PAX3: variants seen among roughly 807,000 people sequenced by gnomAD.
PAX3 encodes the protein paired box protein Pax-3.
A neutral mutation model predicts 51.6 loss-of-function variants in PAX3; 14 were observed. The ratio of observed to expected loss-of-function variants is 0.27; its 90% CI spans 0.18 to 0.42. The LOEUF (loss-of-function observed/expected upper bound fraction) is 0.42. PAX3 is among the 10% of genes least tolerant of loss of function. PAX3 has a pLI of 1.00. For synonymous variants in PAX3, 280 were observed against 253.4 expected (o/e 1.11, Z -1.00); for missense variants, 540 against 642.8 (o/e 0.84, Z 1.73).
chr2:222,256,498 C>T (rs556798326), intron 4 of PAX3, among the ~76,000 whole-genome samples: 1 of 152,048 alleles, frequency 6.6e-6, no homozygotes, highest in Non-Finnish European at 1.5e-5. Flanking sequence ...CTGAGACAAT[C>T]CCTCAGGCAC....
At position 222,205,676 on chromosome 2, in the gene PAX3, T is replaced by C. The variant is rs905948349; in HGVS notation, c.1174-3486A>G. Among the ~76,000 whole-genome samples, 5 of 152,224 alleles carry C rather than the reference T, an allele frequency of 3.3e-5. No individual in the cohort carries two copies. In the East Asian group the frequency reaches 5.8e-4, roughly 18 times the overall value. On this transcript the variant is annotated intron_variant, in intron 7 of 8. Coordinates refer to ENST00000392070, the MANE Select transcript of PAX3 (RefSeq NM_181458.4). ...TCACACTGAGAAAACTTGAGAAATA[T>C]ACACCATTTTAAAAACCTACTGTTT...
At chr2:222,296,570 A>G (rs955225398) in intron 2 of PAX3, among the ~76,000 whole-genome samples, 1 of 152,176 alleles carries the variant, frequency 6.6e-6, no homozygotes, top group African/African-American at 2.4e-5. Flanking sequence ...AACCATTATA[A>G]AACCTAAAGA....
chr2:222,203,018 T>TATATATAC (rs1297312614), intron 7 of PAX3, among the ~76,000 whole-genome samples: 1 of 52,880 alleles, frequency 1.9e-5, no homozygotes, highest in African/African-American at 8.6e-5. Flanking sequence ...ATTTCATATA[T>TATATATAC]ATATATATAT....
chr2:222,274,660 A>G (rs140091427), intron 4 of PAX3, among the ~76,000 whole-genome samples: 7 of 152,242 alleles, frequency 4.6e-5, no homozygotes, highest in African/African-American at 1.2e-4. Context: ...ATGTTTTTAT[A>G]TAGTTAAACA....
intron 7 of PAX3, among the ~76,000 whole-genome samples, chr2:222,202,590 G>A (rs1384323106): frequency 6.6e-6 from 1 of 151,958 alleles, no homozygotes; most frequent in Non-Finnish European, 1.5e-5. Flanking sequence ...CATTATATCT[G>A]GAAGTTTCAC....
chr2:222,287,838 T>A (rs45616332), intron 4 of PAX3, among the ~76,000 whole-genome samples: 1 of 152,234 alleles, frequency 6.6e-6, no homozygotes, highest in Non-Finnish European at 1.5e-5. Context: ...AAGATTCATC[T>A]TGCTCAAGAG....
intron 2 of PAX3, among the ~76,000 whole-genome samples, chr2:222,296,352 C>A (rs1695294935): frequency 6.6e-6 from 1 of 152,178 alleles, no homozygotes; most frequent in Non-Finnish European, 1.5e-5. Flanking sequence ...AAAGACAGAC[C>A]TTGTGTAATT....
chr2:222,280,411 AAAAAAGAAAGAAAGAAAGG>A (rs1159462993), intron 4 of PAX3, among the ~76,000 whole-genome samples: 1 of 147,300 alleles, frequency 6.8e-6, no homozygotes, highest in Non-Finnish European at 1.5e-5. Flanking sequence ...AGAAAGAAAG[AAAAAAGAAAGAAAGAAAGG>A]AAGGAAGGAA....
At chr2:222,213,292 G>A (rs182687443) in intron 7 of PAX3, among the ~76,000 whole-genome samples, 86 of 152,222 alleles carry the variant, frequency 5.6e-4, no homozygotes, top group Middle Eastern at 3.4e-3. Context: ...TAAGTGTAGC[G>A]ACCACAGCCT....
chr2:222,273,709 G>A (rs976772189), intron 4 of PAX3, among the ~76,000 whole-genome samples: 13 of 152,156 alleles, frequency 8.5e-5, no homozygotes, highest in Non-Finnish European at 1.5e-4. Context: ...ACAAAGCTTA[G>A]CAGAAATGAT....
rs71053057 is a variant in PAX3 at position 222,203,012 on chromosome 2, CATATATATAT to C, written c.1174-832_1174-823del. ...TTATTTCTTCTCTAAACAACCATTT[CATATATATAT>C]ATATATATATATATATATATATATA... is the stretch of plus-strand genomic sequence containing the variant. On this transcript the variant is annotated intron_variant, in intron 7 of 8. Coordinates refer to ENST00000392070, the MANE Select transcript of PAX3 (RefSeq NM_181458.4). Among the ~76,000 whole-genome samples, 171 of 41,188 alleles carry C rather than the reference CATATATATAT, an allele frequency of 4.2e-3. 4 individuals are homozygous for C. In the East Asian group the frequency reaches 0.055, roughly 13 times the overall value. 27.0% of individuals were successfully genotyped at this position (41,188 alleles called of 152,430 possible).
intron 7 of PAX3, among the ~76,000 whole-genome samples, chr2:222,218,862 C>T (rs1224787155): frequency 6.6e-6 from 1 of 152,154 alleles, no homozygotes; most frequent in Admixed American, 6.5e-5. Context: ...ATTACATTTA[C>T]TGTTACAAAA....
chr2:222,241,542 G>C (rs1693016568), intron 4 of PAX3, among the ~76,000 whole-genome samples: 1 of 152,164 alleles, frequency 6.6e-6, no homozygotes, highest in African/African-American at 2.4e-5. Context: ...GCCCATCTGT[G>C]CTTAACATTT....
At chr2:222,215,751 T>C (rs748577543) in intron 7 of PAX3, among the ~76,000 whole-genome samples, 1 of 152,144 alleles carries the variant, frequency 6.6e-6, no homozygotes, top group Non-Finnish European at 1.5e-5. Flanking sequence ...ATGTACTCTC[T>C]GGGGATGGAG....
intron 4 of PAX3, among the ~76,000 whole-genome samples, chr2:222,271,039 T>C (rs746677688): frequency 2.0e-5 from 3 of 152,240 alleles, no homozygotes; most frequent in Admixed American, 6.5e-5. Flanking sequence ...AATAATACTT[T>C]ATATTTGCTC....
At chr2:222,284,928 A>C (rs1694781875) in intron 4 of PAX3, among the ~76,000 whole-genome samples, 1 of 152,232 alleles carries the variant, frequency 6.6e-6, no homozygotes. Context: ...TCAATTTTAG[A>C]GCAAAATTGG....
At chr2:222,274,503 G>A (rs45533642) in intron 4 of PAX3, among the ~76,000 whole-genome samples, 13,515 of 150,954 alleles carry the variant, frequency 0.09, 868 homozygotes, top group East Asian at 0.34. Flanking sequence ...ACCAGCAAAC[G>A]TAACCACCTC....
intron 4 of PAX3, among the ~76,000 whole-genome samples, chr2:222,269,823 T>C (rs1465263128): frequency 1.3e-5 from 2 of 152,192 alleles, no homozygotes; most frequent in Non-Finnish European, 2.9e-5. Flanking sequence ...GTGATGACTT[T>C]AACATAGAAG....
intron 4 of PAX3, among the ~76,000 whole-genome samples, chr2:222,250,099 C>G (rs1453638545): frequency 6.6e-6 from 1 of 152,126 alleles, no homozygotes; most frequent in Non-Finnish European, 1.5e-5. Flanking sequence ...AGAACCTGGA[C>G]TTTATCACAG....
Sources: allele counts gnomAD v4.1 joint callset (sites outside exome capture counted in the v4.1 genomes callset), GRCh38; gene constraint gnomAD v4.1.1; transcripts MANE v1.5; gene names NCBI Gene and HGNC (gene_info 2026-07-23, HGNC 2026-07-21).